RNF217: variants seen among roughly 807,000 people sequenced by gnomAD.
RNF217 encodes the protein ring finger protein 217.
In RNF217, 31 loss-of-function variants were observed where a neutral mutation model predicts 57.8. That is an observed-to-expected ratio of 0.54 (90% CI 0.40 to 0.72). RNF217 has a LOEUF of 0.72. Ranked by LOEUF, RNF217 falls within the 30% of genes least tolerant of loss-of-function variation. The pLI is 0.00. For missense variants in RNF217, 696 were observed against 708.3 expected (o/e 0.98, Z 0.20); for synonymous variants, 313 against 294.0 (o/e 1.06, Z -0.66).
chr6:125,006,778 A>G (rs1229652663), intron 1 of RNF217, among the ~76,000 whole-genome samples: 1 of 152,014 alleles, frequency 6.6e-6, no homozygotes, highest in Non-Finnish European at 1.5e-5. Flanking sequence ...GTGAAACCCC[A>G]TCTCTACTAA....
chr6:125,052,284 T>TTGTGTGTGTG (rs368469313), intron 2 of RNF217, among the ~76,000 whole-genome samples: 3,408 of 143,158 alleles, frequency 0.024, 106 homozygotes, highest in African/African-American at 0.065. Context: ...GTCATGCGTT[T>TTGTGTGTGTG]TGTGTGTGTG....
chr6:124,978,212 G>A (rs1364803676), intron 1 of RNF217, among the ~76,000 whole-genome samples: 1 of 152,012 alleles, frequency 6.6e-6, no homozygotes, highest in Non-Finnish European at 1.5e-5. Context: ...TTGTGTTACA[G>A]GATTCCTTCT....
At chr6:125,068,554 C>G (rs1788022484) in intron 3 of RNF217, among the ~76,000 whole-genome samples, 1 of 152,078 alleles carries the variant, frequency 6.6e-6, no homozygotes, top group South Asian at 2.1e-4. Flanking sequence ...CTATAAGCTC[C>G]TTAAGGGCAG....
chr6:125,065,995 C>G (rs549065175), intron 3 of RNF217, among the ~76,000 whole-genome samples: 1 of 152,300 alleles, frequency 6.6e-6, no homozygotes, highest in Non-Finnish European at 1.5e-5. Context: ...ATGGCCACTC[C>G]AGTCTTCCAG....
chr6:124,963,110 C>T lies in RNF217; in HGVS notation c.566C>T (p.Pro189Leu), dbSNP rs1783366632. Reference sequence around the variant, plus strand: ...CAGCTCTCGCCGCCCGCGTCGCCACCTGGGGCTCCGCCAGTGTTGAACCCT... The same window carrying T: ...CAGCTCTCGCCGCCCGCGTCGCCACTTGGGGCTCCGCCAGTGTTGAACCCT... The part of the protein sequence containing the change: ...SEQLSPPASP[P>L]GAPPVLNPPS... Residue 189 changes from proline (P) to leucine (L), a missense_variant, in exon 1 of 6, where the codon CCT (proline) becomes CTT (leucine). By Grantham distance (98) the Pro-to-Leu change is moderately conservative. Transcript: ENST00000521654. 7 of 1,537,956 alleles carry T rather than the reference C, an allele frequency of 4.6e-6. No individual in the cohort carries two copies. Among genetic ancestry groups the T allele is most frequent in the South Asian group, 1.2e-5 (1 of 84,234 alleles).
chr6:125,017,068 T>C (rs1349935471), intron 1 of RNF217, among the ~76,000 whole-genome samples: 1 of 152,196 alleles, frequency 6.6e-6, no homozygotes, highest in African/African-American at 2.4e-5. Flanking sequence ...TTTGCTTCTT[T>C]TCCCTTTTGC....
intron 1 of RNF217, among the ~76,000 whole-genome samples, chr6:124,988,132 C>G (rs1046309768): frequency 6.6e-6 from 1 of 152,002 alleles, no homozygotes; most frequent in Non-Finnish European, 1.5e-5. Flanking sequence ...ACTGCACATG[C>G]GAGGGATCTG....
intron 2 of RNF217, 33 bp from the exon 3 acceptor site, chr6:125,057,909 A>G (rs764957594): frequency 1.9e-6 from 3 of 1,560,374 alleles, no homozygotes; most frequent in Middle Eastern, 3.4e-4. Flanking sequence ...CAGTATATCC[A>G]CTAGTAATTA....
chr6:125,035,349 C>G (rs1170425895), intron 1 of RNF217, among the ~76,000 whole-genome samples: 2 of 152,100 alleles, frequency 1.3e-5, no homozygotes, highest in African/African-American at 2.4e-5. Flanking sequence ...ATAGATAGCT[C>G]TCTCTCGGCA....
chr6:125,052,197 A>G (rs1252551714), intron 2 of RNF217, among the ~76,000 whole-genome samples: 3 of 152,002 alleles, frequency 2.0e-5, no homozygotes, highest in Non-Finnish European at 4.4e-5. Context: ...TTGCATATGT[A>G]AAAGGAAACC....
intron 3 of RNF217, among the ~76,000 whole-genome samples, chr6:125,064,732 A>G (rs566039476): frequency 1.3e-5 from 2 of 152,244 alleles, no homozygotes; most frequent in South Asian, 4.1e-4. Context: ...ATATTTTAAA[A>G]TGAGGACAAA....
Position 125,092,170 on chromosome 6 carries a change from ATCTATTACC to A in RNF217, c.*9236_*9244del, listed in dbSNP as rs1403934708. 1.3e-5 allele frequency: 2 copies of A among 152,134 alleles called. No homozygotes were observed. The highest frequency in any genetic ancestry group is 2.4e-5 in the African/African-American group (1 of 41,456). 9.4% of individuals were successfully genotyped at this position (152,134 alleles called of 1,614,324 possible). ...TTTTTTTAAGCAGTGAAATTTAAAAATCTATTACCTCAAGAATTTTCAGTCGATATGTCA... is the reference window on the plus strand; with the variant it reads ...TTTTTTTAAGCAGTGAAATTTAAAAATCAAGAATTTTCAGTCGATATGTCA... On this transcript the variant is annotated 3_prime_UTR_variant, in exon 6 of 6. Transcript: ENST00000521654.
At chr6:124,989,992 C>T (rs1449858673) in intron 1 of RNF217, among the ~76,000 whole-genome samples, 3 of 152,084 alleles carry the variant, frequency 2.0e-5, no homozygotes, top group Non-Finnish European at 1.5e-5. Context: ...TCTCCACTCC[C>T]ATCTCTTATT....
chr6:125,029,274 A>G (rs1012273082), intron 1 of RNF217, among the ~76,000 whole-genome samples: 1 of 152,214 alleles, frequency 6.6e-6, no homozygotes, highest in African/African-American at 2.4e-5. Context: ...GGTATTAAAC[A>G]TCAAAAGCAA....
chr6:125,001,710 C>A (rs1383324849), intron 1 of RNF217, among the ~76,000 whole-genome samples: 1 of 152,152 alleles, frequency 6.6e-6, no homozygotes, highest in Non-Finnish European at 1.5e-5. Context: ...TAGGATTTCT[C>A]CCTTGTGTGA....
chr6:124,996,028 T>G (rs910178380), intron 1 of RNF217, among the ~76,000 whole-genome samples: 2 of 152,176 alleles, frequency 1.3e-5, no homozygotes, highest in African/African-American at 4.8e-5. Context: ...TTTCCAGATT[T>G]TTTAAATCTG....
At chr6:124,965,190 A>G (rs1212192012) in intron 1 of RNF217, among the ~76,000 whole-genome samples, 3 of 152,216 alleles carry the variant, frequency 2.0e-5, no homozygotes, top group Non-Finnish European at 4.4e-5. Flanking sequence ...GCAGTGACAC[A>G]GTATCTGAAG....
chr6:124,989,712 A>C (rs954628310), intron 1 of RNF217, among the ~76,000 whole-genome samples: 2 of 152,126 alleles, frequency 1.3e-5, no homozygotes, highest in African/African-American at 4.8e-5. Flanking sequence ...AAAGGTAGAA[A>C]TCATTCACAG....
At chr6:125,033,662 C>T (rs1786467034) in intron 1 of RNF217, among the ~76,000 whole-genome samples, 2 of 151,032 alleles carry the variant, frequency 1.3e-5, no homozygotes, top group Admixed American at 1.3e-4. Context: ...CATATGTGTG[C>T]ATGTGTCTTT....
Sources: allele counts gnomAD v4.1 joint callset (sites outside exome capture counted in the v4.1 genomes callset), GRCh38; gene constraint gnomAD v4.1.1; transcripts MANE v1.5; gene names NCBI Gene and HGNC (gene_info 2026-07-23, HGNC 2026-07-21).